Variants in RBKS observed in about 807,000 individuals in gnomAD.
RBKS encodes ribokinase.
RBKS carries 33 observed loss-of-function variants against 33.9 expected under a neutral mutation model. That is an observed-to-expected ratio of 0.97 (90% CI 0.74 to 1.30). RBKS has a LOEUF of 1.30. Among genes scored for constraint, RBKS ranks in the 50% most tolerant of loss-of-function variants. The probability of loss-of-function intolerance (pLI) is 0.00; values close to 1 mark genes in which losing one functional copy is unlikely to be tolerated. For synonymous variants in RBKS, 125 were observed against 143.0 expected, an observed-to-expected ratio of 0.87 and a Z score of 0.90; for missense variants, 361 against 392.6, an observed-to-expected ratio of 0.92 and a Z score of 0.68.
chr2:27,827,253 T>A (rs1232846253), intron 7 of RBKS, among the ~76,000 whole-genome samples: 1 of 152,226 alleles, frequency 6.6e-6, no homozygotes, highest in Non-Finnish European at 1.5e-5. Flanking sequence ...TGATAGGTAT[T>A]CCACAAATCC....
intron 2 of RBKS, among the ~76,000 whole-genome samples, chr2:27,854,756 T>C (rs1037058147): frequency 4.7e-4 from 72 of 152,054 alleles, no homozygotes; most frequent in African/African-American, 1.0e-3. Flanking sequence ...TTTTCTTTTT[T>C]TTTTTTTTTA....
chr2:27,854,125 T>C (rs1663803591), intron 2 of RBKS, among the ~76,000 whole-genome samples: 1 of 152,198 alleles, frequency 6.6e-6, no homozygotes, highest in Non-Finnish European at 1.5e-5. Flanking sequence ...TTTCAATCCA[T>C]TGTGGACTAA....
chr2:27,833,186 C>G (rs1678456451), intron 5 of RBKS, among the ~76,000 whole-genome samples: 1 of 152,034 alleles, frequency 6.6e-6, no homozygotes, highest in South Asian at 2.1e-4. Context: ...TTCATAAACC[C>G]ATTTTCCAGG....
Position 27,812,757 on chromosome 2 carries a change from A to T in RBKS, c.795+14810T>A, listed in dbSNP as rs950793058. ...AGCATTAGGAGATATATCTAATGTA[A>T]ATGATGAGTTAATGGGTGCAGCACA... On this transcript the variant is annotated intron_variant, in intron 7 of 7. Coordinates refer to ENST00000302188, the MANE Select transcript of RBKS (RefSeq NM_022128.3). Among the ~76,000 whole-genome samples the T allele has an allele frequency of 6.4e-4, 98 of 152,288 alleles. 1 individual carries two copies. The highest frequency in any genetic ancestry group is 2.3e-3 in the African/African-American group (96 of 41,550).
At chr2:27,845,299 C>T (rs1329675279) in intron 4 of RBKS, among the ~76,000 whole-genome samples, 2 of 152,220 alleles carry the variant, frequency 1.3e-5, no homozygotes. Flanking sequence ...AAACTCATTA[C>T]TTTATCTTGC....
chr2:27,863,926 G>A (rs115570041), intron 1 of RBKS, among the ~76,000 whole-genome samples: 6,560 of 152,220 alleles, frequency 0.043, 188 homozygotes, highest in Non-Finnish European at 0.066. Flanking sequence ...TTCATTCTAT[G>A]TTCCCTAACC....
intron 7 of RBKS, among the ~76,000 whole-genome samples, chr2:27,794,615 T>G (rs547418983): frequency 7.6e-6 from 1 of 131,810 alleles, no homozygotes; most frequent in Non-Finnish European, 1.6e-5. Context: ...AACACTTTCG[T>G]TTTTTTTTCT....
In RBKS at chr2:27,795,205, G is replaced by A. The variant is rs901619791; in HGVS notation, c.796-13417C>T. ...TTCAATTAATGCTTGCTGATGGACC[G>A]TCTCTCAGTTGCCCCAGTCTCCACC... On this transcript the variant is annotated intron_variant, in intron 7 of 7. Coordinates refer to ENST00000302188, the MANE Select transcript of RBKS (RefSeq NM_022128.3). The surrounding 1 kb of genome is among the most constrained non-coding windows in gnomAD (Gnocchi z 4.1). Among the ~76,000 whole-genome samples, 10 of 152,164 alleles carry A rather than the reference G, an allele frequency of 6.6e-5. No individual in the cohort carries two copies. Among genetic ancestry groups the A allele is most frequent in the East Asian group, 1.9e-4 (1 of 5,184 alleles).
At chr2:27,860,726 C>T (rs1450934697) in intron 1 of RBKS, among the ~76,000 whole-genome samples, 1 of 152,128 alleles carries the variant, frequency 6.6e-6, no homozygotes, top group African/African-American at 2.4e-5. Flanking sequence ...ATTCAGTGAT[C>T]ACTGAAATTC....
At position 27,846,880 on chromosome 2, in the gene RBKS, G is replaced by A. The variant is rs115006214; in HGVS notation, c.349+162C>T. Among the ~76,000 whole-genome samples, 1,228 of 152,272 alleles carry A rather than the reference G, an allele frequency of 8.1e-3. 12 individuals carry two copies. The highest frequency in any genetic ancestry group is 0.028 in the African/African-American group (1,156 of 41,560). ...GATCCATGTGAGAAGTATAAATAAA[G>A]GGAAACACATTTATATTTGGATTGG... On this transcript the variant is annotated intron_variant, in intron 4 of 7. Transcript: ENST00000302188.
intron 7 of RBKS, among the ~76,000 whole-genome samples, chr2:27,804,856 C>G (rs1210527337): frequency 6.6e-6 from 1 of 152,102 alleles, no homozygotes; most frequent in Non-Finnish European, 1.5e-5. Flanking sequence ...AAAACCTCGT[C>G]TCTACAAAAA....
intron 2 of RBKS, among the ~76,000 whole-genome samples, chr2:27,853,502 C>T (rs920906075): frequency 6.6e-6 from 1 of 150,748 alleles, no homozygotes; most frequent in Non-Finnish European, 1.5e-5. Flanking sequence ...ACAAAAAATA[C>T]AAAAATTAGC....
rs769089600 is a variant in RBKS at position 27,832,690 on chromosome 2, C to G, written c.602G>C (p.Ser201Thr). 7 of 1,608,708 alleles carry G rather than the reference C, an allele frequency of 4.4e-6. No homozygotes were observed. In the African/African-American group the frequency reaches 9.4e-5, roughly 21 times the overall value. ...AGCAAAGCAATTCACCCTTACCTCACTTTCATTGCAGCAGAACACATCTGA... is the reference window on the plus strand; with the variant it reads ...AGCAAAGCAATTCACCCTTACCTCAGTTTCATTGCAGCAGAACACATCTGA... ...TLSDVFCCNE[S>T]EAEILTGLTV... The change falls in exon 6 of 8, where the codon AGT (serine) becomes ACT (threonine). Residue 201 changes from serine to threonine, a missense_variant. Transcript: ENST00000302188.
chr2:27,870,766 A>G (rs1472389978), intron 1 of RBKS: 4 of 463,960 alleles, frequency 8.6e-6, no homozygotes, highest in South Asian at 3.1e-5. Flanking sequence ...GTCCATGCAT[A>G]TACTCACACA....
intron 7 of RBKS, among the ~76,000 whole-genome samples, chr2:27,803,468 C>T (rs907190787): frequency 1.3e-5 from 2 of 149,564 alleles, no homozygotes; most frequent in African/African-American, 4.9e-5. Context: ...GAGGCTGAGG[C>T]GGAAGGATCA....
chr2:27,836,388 A>C (rs184988783), intron 5 of RBKS, among the ~76,000 whole-genome samples: 1 of 152,322 alleles, frequency 6.6e-6, no homozygotes, highest in African/African-American at 2.4e-5. Context: ...AAAAACAAGC[A>C]ATGGGGAAAA....
intron 7 of RBKS, among the ~76,000 whole-genome samples, chr2:27,818,502 GA>G (rs1678140338): frequency 6.6e-6 from 1 of 152,242 alleles, no homozygotes; most frequent in South Asian, 2.1e-4. Flanking sequence ...TAGGCAGACC[GA>G]CCAACTTAAA....
intron 2 of RBKS, among the ~76,000 whole-genome samples, chr2:27,850,090 G>A (rs1452019513): frequency 6.6e-6 from 1 of 152,178 alleles, no homozygotes; most frequent in Non-Finnish European, 1.5e-5. Context: ...AGCAGAGGTT[G>A]TAAATTGGTG....
At chr2:27,883,877 T>C (rs964820307) in intron 1 of RBKS, among the ~76,000 whole-genome samples, 3 of 152,150 alleles carry the variant, frequency 2.0e-5, no homozygotes, top group Non-Finnish European at 2.9e-5. Context: ...TTTTAATGTA[T>C]ATTTTCATTA....
Sources: gnomAD v4.1 joint callset for allele counts (sites outside exome capture counted in the v4.1 genomes callset) on GRCh38, gnomAD v4.1.1 for gene constraint, Gnocchi (gnomAD v3.1) non-coding constraint, MANE v1.5 for transcripts, NCBI Gene and HGNC (gene_info 2026-07-23, HGNC 2026-07-21) for gene names.